The following FSD1L variants were observed in gnomAD, a reference collection of about 807,000 sequenced individuals.
FSD1L encodes the protein FSD1-like protein.
A neutral mutation model predicts 71.6 loss-of-function variants in FSD1L; 45 were observed. The ratio of observed to expected loss-of-function variants is 0.63; its 90% confidence interval spans 0.49 to 0.81. FSD1L has a LOEUF of 0.81. Ranked by LOEUF, FSD1L falls within the 30% of genes least tolerant of loss-of-function variation. FSD1L has a pLI of 0.00. For missense variants in FSD1L, 561 were observed against 618.1 expected (o/e 0.91, Z 0.98); for synonymous variants, 197 against 207.2 (o/e 0.95, Z 0.42).
At chr9:105,523,967 G>T in intron 10 of FSD1L, 1 of 1,591,380 alleles carries the variant, frequency 6.3e-7, no homozygotes, top group South Asian at 1.1e-5. Flanking sequence ...AAGTTCTTCT[G>T]GGATCTTTGG....
Position 105,512,886 on chromosome 9 carries a change from T to A in FSD1L, c.975T>A (p.Thr325=). ...VEDTCVEWDP[T]GGKGQESKIK... is the part of the protein sequence containing the mutation. ...ATACATGTGTAGAGTGGGATCCTAC[T>A]GGAGGAAAAGGTCAAGAAAGTAAAA... Residue 325 remains threonine, a synonymous_variant, in exon 10 of 14, where the codon ACT becomes ACA. Transcript: ENST00000481272. The A allele has an allele frequency of 6.5e-7, 1 of 1,542,550 alleles. No homozygotes were observed. Among genetic ancestry groups the A allele is most frequent in the Non-Finnish European group, 8.8e-7 (1 of 1,142,714 alleles).
intron 7 of FSD1L, among the ~76,000 whole-genome samples, chr9:105,493,538 T>C (rs940501499): frequency 5.3e-5 from 8 of 152,194 alleles, no homozygotes; most frequent in Non-Finnish European, 1.0e-4. Context: ...TTTGATCCTG[T>C]CATTATGATG....
chr9:105,469,963 T>G (rs1416332413), intron 4 of FSD1L, among the ~76,000 whole-genome samples: 1 of 152,182 alleles, frequency 6.6e-6, no homozygotes, highest in Admixed American at 6.5e-5. Context: ...GGACCTACTT[T>G]ATTTTTTTGC....
intron 7 of FSD1L, among the ~76,000 whole-genome samples, chr9:105,492,984 G>A (rs1232004287): frequency 6.6e-6 from 1 of 152,116 alleles, no homozygotes; most frequent in Non-Finnish European, 1.5e-5. Flanking sequence ...CTGTTGATTT[G>A]GGGTGGAGAG....
intron 10 of FSD1L, among the ~76,000 whole-genome samples, chr9:105,516,352 C>T (rs1345525941): frequency 6.6e-6 from 1 of 152,200 alleles, no homozygotes; most frequent in East Asian, 1.9e-4. Flanking sequence ...AAGGGTCAGA[C>T]TGCCTCCTCA....
chr9:105,489,083 GCTGA>G (rs1330110259), intron 7 of FSD1L, among the ~76,000 whole-genome samples: 3 of 152,014 alleles, frequency 2.0e-5, no homozygotes, highest in African/African-American at 7.2e-5. Flanking sequence ...GACTATATCA[GCTGA>G]CTATTATAAA....
chr9:105,448,174 A>C lies in FSD1L; in HGVS notation c.-47A>C. 1 of 1,537,264 alleles carries C rather than the reference A, an allele frequency of 6.5e-7. No individual in the cohort carries two copies. The highest frequency in any genetic ancestry group is 8.8e-7 in the Non-Finnish European group (1 of 1,138,806). On this transcript the variant is annotated 5_prime_UTR_variant, in exon 1 of 14. Transcript: ENST00000481272. ...GTGCGATCTCGCTGAGCCTCCTCAC[A>C]CGGTTCGTCGTCTCGGGTTCGAGCC...
chr9:105,527,297 T>C (rs543210541), intron 10 of FSD1L, among the ~76,000 whole-genome samples: 3 of 150,670 alleles, frequency 2.0e-5, no homozygotes, highest in Non-Finnish European at 3.0e-5. Context: ...GGTGTTTCTA[T>C]GTTCTTTTTT....
At chr9:105,543,506 C>T (rs1452708606) in intron 13 of FSD1L, among the ~76,000 whole-genome samples, 2 of 152,086 alleles carry the variant, frequency 1.3e-5, no homozygotes, top group Non-Finnish European at 2.9e-5. Flanking sequence ...TATATGTATA[C>T]ATGTGCCATG....
chr9:105,461,250 T>C (rs1253626082), intron 1 of FSD1L, among the ~76,000 whole-genome samples: 4 of 152,174 alleles, frequency 2.6e-5, no homozygotes, highest in African/African-American at 9.7e-5. Flanking sequence ...TTATCCAGGA[T>C]GGTAGCTTCT....
chr9:105,479,786 TA>T (rs1337929947), intron 6 of FSD1L, among the ~76,000 whole-genome samples: 1 of 152,240 alleles, frequency 6.6e-6, no homozygotes, highest in African/African-American at 2.4e-5. Flanking sequence ...CCTCAAGAAC[TA>T]AAGCGCTCCT....
intron 10 of FSD1L, chr9:105,521,293 A>T: frequency 6.2e-7 from 1 of 1,614,244 alleles, no homozygotes. Context: ...GTATCCAGAG[A>T]AGAAAGCAAA....
In FSD1L at chr9:105,520,510, T is replaced by A; in HGVS notation, c.1025+7574T>A. The A allele has an allele frequency of 4.4e-6, 5 of 1,130,966 alleles. No homozygotes were observed. The South Asian group carries it at 6.2e-5, about 14-fold the overall frequency. 70.1% of individuals were successfully genotyped at this position (1,130,966 alleles called of 1,614,324 possible). On this transcript the variant is annotated intron_variant, in intron 10 of 13. Coordinates refer to ENST00000481272, the MANE Select transcript of FSD1L (RefSeq NM_001145313.3). ...AAGAGAGGAACTGGATGCTATACTT[T>A]TTATTTTTGAGAAAATTTTACAACT...
intron 5 of FSD1L, among the ~76,000 whole-genome samples, chr9:105,478,763 C>G (rs938897487): frequency 6.6e-6 from 1 of 152,102 alleles, no homozygotes; most frequent in Non-Finnish European, 1.5e-5. Flanking sequence ...AGAAGTATTT[C>G]TCTGGTCTCT....
intron 7 of FSD1L, among the ~76,000 whole-genome samples, chr9:105,501,386 A>C (rs1434654979): frequency 2.0e-5 from 3 of 151,956 alleles, no homozygotes; most frequent in Non-Finnish European, 4.4e-5. Context: ...GAATTCTTTA[A>C]GGTGACACTG....
chr9:105,528,953 G>A lies in FSD1L; in HGVS notation c.1026-5540G>A, dbSNP rs559229622. ...TTTACAAGAAAAAAACAACCCCATC[G>A]AAAAGTGGGCAAAGGATATGAACAG... On this transcript the variant is annotated intron_variant, in intron 10 of 13. Transcript: ENST00000481272. Among the ~76,000 whole-genome samples the A allele has an allele frequency of 4.6e-4, 70 of 152,074 alleles. No individual in the cohort carries two copies. The South Asian group carries it at 0.013, about 29-fold the overall frequency.
At chr9:105,484,816 A>G (rs574162424) in intron 7 of FSD1L, among the ~76,000 whole-genome samples, 2 of 152,254 alleles carry the variant, frequency 1.3e-5, no homozygotes, top group South Asian at 2.1e-4. Context: ...CTTACTTGCT[A>G]TGTAATCTTG....
intron 1 of FSD1L, among the ~76,000 whole-genome samples, chr9:105,452,501 G>A (rs923615413): frequency 2.0e-5 from 3 of 152,072 alleles, no homozygotes; most frequent in Non-Finnish European, 4.4e-5. Context: ...TCATTACCAC[G>A]CTTCTTGCCT....
At chr9:105,502,884 ATTT>A (rs60907043) in intron 7 of FSD1L, among the ~76,000 whole-genome samples, 5 of 135,172 alleles carry the variant, frequency 3.7e-5, no homozygotes, top group Admixed American at 7.4e-5. Context: ...CTGTAATAAG[ATTT>A]TTTTTTTTTT....
Sources: gnomAD v4.1 joint callset for allele counts (sites outside exome capture counted in the v4.1 genomes callset) on GRCh38, gnomAD v4.1.1 for gene constraint, MANE v1.5 for transcripts, NCBI Gene and HGNC (gene_info 2026-07-23, HGNC 2026-07-21) for gene names.